The following PRKG1 variants were observed in gnomAD, a reference collection of about 807,000 sequenced individuals.
PRKG1 encodes the protein protein kinase cGMP-dependent 1, also known as cGMP-dependent protein kinase 1.
In PRKG1, 35 loss-of-function variants were observed where a neutral mutation model predicts 88.1. The observed-to-expected ratio is 0.40, with a 90% CI of 0.30 to 0.53. The LOEUF is 0.53. Among genes scored for constraint, PRKG1 ranks in the 20% least tolerant of loss-of-function variants. The probability of loss-of-function intolerance (pLI) is 0.59; values close to 1 mark genes in which losing one functional copy is unlikely to be tolerated. For missense variants in PRKG1, 540 were observed against 839.8 expected (o/e 0.64, Z 4.41); for synonymous variants, 303 against 292.5 (o/e 1.04, Z -0.37).
intron 9 of PRKG1, among the ~76,000 whole-genome samples, chr10:52,214,938 T>C (rs1840071864): frequency 6.6e-6 from 1 of 152,060 alleles, no homozygotes; most frequent in African/African-American, 2.4e-5. Context: ...ATTTTGAATA[T>C]TGTCACGGTT....
At chr10:51,698,164 G>A (rs760153053) in intron 3 of PRKG1, 1 of 1,614,054 alleles carries the variant, frequency 6.2e-7, no homozygotes, top group East Asian at 2.2e-5. Flanking sequence ...TGGGGACAGG[G>A]CCCCTCATCT....
intron 5 of PRKG1, among the ~76,000 whole-genome samples, chr10:52,050,584 C>T (rs1243791761): frequency 2.0e-5 from 3 of 152,152 alleles, no homozygotes; most frequent in Admixed American, 1.3e-4. Flanking sequence ...CCTGGTGTTA[C>T]GACACCATAA....
At chr10:51,064,588 G>A (rs1843728059) in intron 1 of PRKG1, among the ~76,000 whole-genome samples, 1 of 151,832 alleles carries the variant, frequency 6.6e-6, no homozygotes, top group African/African-American at 2.4e-5. Context: ...GTTTTTTTAA[G>A]GTTGACAACA....
intron 3 of PRKG1, among the ~76,000 whole-genome samples, chr10:51,526,956 A>G (rs939158544): frequency 6.6e-5 from 10 of 152,160 alleles, no homozygotes; most frequent in Admixed American, 3.3e-4. Flanking sequence ...TGCTAGAAGG[A>G]CCAAATAGTA....
intron 3 of PRKG1, among the ~76,000 whole-genome samples, chr10:51,534,200 G>A (rs1178641852): frequency 6.6e-6 from 1 of 152,072 alleles, no homozygotes; most frequent in Non-Finnish European, 1.5e-5. Flanking sequence ...TTGTAATTGT[G>A]CAGGTGTATT....
chr10:51,495,147 T>G (rs1330066249), intron 3 of PRKG1, among the ~76,000 whole-genome samples: 2 of 152,132 alleles, frequency 1.3e-5, no homozygotes, highest in Non-Finnish European at 2.9e-5. Context: ...CAGGCTGGAA[T>G]GCAGTGGCAC....
intron 2 of PRKG1, among the ~76,000 whole-genome samples, chr10:51,208,693 A>C (rs1409126329): frequency 6.6e-6 from 1 of 152,180 alleles, no homozygotes; most frequent in Non-Finnish European, 1.5e-5. Context: ...AAAGGGAAGA[A>C]AATCAGGGAA....
At chr10:51,510,323 G>A (rs1023645146) in intron 3 of PRKG1, among the ~76,000 whole-genome samples, 22 of 151,980 alleles carry the variant, frequency 1.4e-4, no homozygotes, top group South Asian at 4.2e-4. Flanking sequence ...ATATTTCTAC[G>A]TTTTCCTTGG....
At chr10:51,178,354 T>C (rs898800018) in intron 2 of PRKG1, among the ~76,000 whole-genome samples, 1 of 152,058 alleles carries the variant, frequency 6.6e-6, no homozygotes, top group Non-Finnish European at 1.5e-5. Flanking sequence ...TTAAAAAATA[T>C]TGGGCTGGGC....
At chr10:51,693,266 C>G (rs1841190931) in intron 3 of PRKG1, among the ~76,000 whole-genome samples, 1 of 128,122 alleles carries the variant, frequency 7.8e-6, no homozygotes, top group Non-Finnish European at 1.6e-5. Context: ...CCAGCCTGGG[C>G]AGCAAAGTGA....
chr10:52,038,202 C>G (rs550740005), intron 5 of PRKG1, among the ~76,000 whole-genome samples: 1 of 151,252 alleles, frequency 6.6e-6, no homozygotes, highest in South Asian at 2.1e-4. Context: ...GAACACAGGC[C>G]AAGGGAGTAG....
At chr10:51,334,825 A>C (rs1177149806) in intron 2 of PRKG1, among the ~76,000 whole-genome samples, 3 of 152,132 alleles carry the variant, frequency 2.0e-5, no homozygotes, top group Admixed American at 2.0e-4. Flanking sequence ...CCCTAATTAG[A>C]GGAGAGCAGA....
At chr10:51,100,237 G>C (rs1025775651) in intron 1 of PRKG1, among the ~76,000 whole-genome samples, 3 of 152,136 alleles carry the variant, frequency 2.0e-5, no homozygotes, top group African/African-American at 7.2e-5. Context: ...TATTCTATTG[G>C]ATAAGAAAAT....
intron 3 of PRKG1, among the ~76,000 whole-genome samples, chr10:51,681,200 T>C (rs1840841485): frequency 1.3e-5 from 2 of 152,194 alleles, no homozygotes; most frequent in Non-Finnish European, 2.9e-5. Context: ...AATTTTAAAA[T>C]GTATCTATTC....
At chr10:51,102,778 G>C (rs994097594) in intron 1 of PRKG1, among the ~76,000 whole-genome samples, 5 of 152,124 alleles carry the variant, frequency 3.3e-5, no homozygotes, top group Non-Finnish European at 5.9e-5. Context: ...GCAAACGTAA[G>C]CATCTTTCAG....
At chr10:51,897,878 TC>T (rs1841889906) in intron 4 of PRKG1, among the ~76,000 whole-genome samples, 1 of 151,872 alleles carries the variant, frequency 6.6e-6, no homozygotes, top group Non-Finnish European at 1.5e-5. Context: ...TTTTTTTTTT[TC>T]ATGTGTAAAT....
intron 3 of PRKG1, among the ~76,000 whole-genome samples, chr10:51,500,007 A>G (rs1329653343): frequency 6.6e-6 from 1 of 152,152 alleles, no homozygotes; most frequent in Non-Finnish European, 1.5e-5. Context: ...AAACAAAAAC[A>G]TAATCTTGGG....
chr10:51,995,597 T>C (rs1844419870), intron 5 of PRKG1, among the ~76,000 whole-genome samples: 2 of 152,114 alleles, frequency 1.3e-5, no homozygotes, highest in African/African-American at 4.8e-5. Flanking sequence ...TCTACCATAT[T>C]GTCACTTATG....
At chr10:52,132,470 G>C (rs1322836471) in intron 7 of PRKG1, among the ~76,000 whole-genome samples, 1 of 152,032 alleles carries the variant, frequency 6.6e-6, no homozygotes. Context: ...AATCTAAACA[G>C]CATGGTATAG....
Sources: allele counts gnomAD v4.1 joint callset (sites outside exome capture counted in the v4.1 genomes callset), GRCh38; gene constraint gnomAD v4.1.1; transcripts MANE v1.5; gene names NCBI Gene and HGNC (gene_info 2026-07-23, HGNC 2026-07-21).